The following BTBD9 variants were observed in gnomAD, a reference collection of about 807,000 sequenced individuals.
BTBD9 encodes the protein BTB domain containing 9.
BTBD9 carries 49 observed loss-of-function variants against 64.3 expected under a neutral mutation model. The observed-to-expected ratio is 0.76, with a 90% CI of 0.61 to 0.97. BTBD9 has a LOEUF of 0.97. Ranked by LOEUF, BTBD9 falls within the 50% of genes least tolerant of loss-of-function variation. BTBD9 has a pLI of 0.00. For synonymous variants in BTBD9, 260 were observed against 274.7 expected, an observed-to-expected ratio of 0.95 and a Z score of 0.53; for missense variants, 598 against 762.1, an observed-to-expected ratio of 0.78 and a Z score of 2.53.
At chr6:38,519,640 CA>C (rs1207176157) in intron 6 of BTBD9, among the ~76,000 whole-genome samples, 2 of 151,776 alleles carry the variant, frequency 1.3e-5, no homozygotes, top group Non-Finnish European at 3.0e-5. Context: ...GTGCTGTGAG[CA>C]ATAGCTCAGG....
rs1341561756 is a variant in BTBD9, at chr6:38,594,138, T to C, written c.375A>G (p.Leu125=). ...SLAHKYGFPE[L]EDSTSEYLCT... ...AGAGATACTCAGAGGTAGAATCCTC[T>C]AGCTCTGGAAATCCATATTTATGAG... Residue 125 remains leucine, a synonymous_variant, in exon 3 of 11, where the codon CTA becomes CTG. Transcript: ENST00000481247. The C allele has an allele frequency of 5.0e-6, 8 of 1,614,068 alleles. No homozygotes were observed. The highest frequency in any genetic ancestry group is 1.6e-4 in the Middle Eastern group (1 of 6,084).
intron 6 of BTBD9, among the ~76,000 whole-genome samples, chr6:38,487,039 C>G (rs1290848499): frequency 6.6e-6 from 1 of 152,204 alleles, no homozygotes; most frequent in African/African-American, 2.4e-5. Context: ...CTGCTGAGAG[C>G]ATGAGAGTTA....
At chr6:38,321,080 C>A (rs1298800952) in intron 7 of BTBD9, among the ~76,000 whole-genome samples, 2 of 152,202 alleles carry the variant, frequency 1.3e-5, no homozygotes, top group African/African-American at 4.8e-5. Context: ...TTTGTGCTAA[C>A]AGTACAGTGG....
Position 38,385,839 on chromosome 6 carries a change from G to A in BTBD9, c.1155-40746C>T, listed in dbSNP as rs1408694726. Among the ~76,000 whole-genome samples, 3 of 139,430 alleles carry A rather than the reference G, an allele frequency of 2.2e-5. No individual in the cohort carries two copies. In the East Asian group the frequency reaches 6.2e-4, roughly 29 times the overall value. The allele number at this position is 139,430 out of a possible 152,430, so 91.5% of individuals were successfully genotyped here. On this transcript the variant is annotated intron_variant, in intron 6 of 10. Coordinates refer to ENST00000481247, the MANE Select transcript of BTBD9 (RefSeq NM_001099272.2). Reference sequence around the variant, plus strand: ...AGACAGAGTCTCACTCTGTCACCCAGGCTGGAGTGCAGTGGTGCAATCTCA... The same window carrying A: ...AGACAGAGTCTCACTCTGTCACCCAAGCTGGAGTGCAGTGGTGCAATCTCA...
chr6:38,388,748 T>C (rs191860960), intron 6 of BTBD9, among the ~76,000 whole-genome samples: 2 of 152,302 alleles, frequency 1.3e-5, no homozygotes, highest in East Asian at 3.9e-4. Flanking sequence ...TTTCTAAACT[T>C]TAACCTTGAA....
At chr6:38,306,227 T>C (rs9470857) in intron 7 of BTBD9, among the ~76,000 whole-genome samples, 6,610 of 152,318 alleles carry the variant, frequency 0.043, 494 homozygotes, top group African/African-American at 0.15. Context: ...CTATTTCTAG[T>C]CTTCCAGTTT....
intron 6 of BTBD9, among the ~76,000 whole-genome samples, chr6:38,389,323 T>C (rs775815715): frequency 6.6e-6 from 1 of 152,240 alleles, no homozygotes; most frequent in Non-Finnish European, 1.5e-5. Flanking sequence ...AAATTGTTAA[T>C]GATACATTAC....
chr6:38,591,806 C>T (rs1776802157), intron 4 of BTBD9, among the ~76,000 whole-genome samples: 1 of 152,156 alleles, frequency 6.6e-6, no homozygotes, highest in Non-Finnish European at 1.5e-5. Context: ...AAAATCACCA[C>T]TTAAGTGGTG....
chr6:38,566,876 A>G (rs1775545101), intron 6 of BTBD9, among the ~76,000 whole-genome samples: 1 of 152,238 alleles, frequency 6.6e-6, no homozygotes, highest in Admixed American at 6.5e-5. Context: ...CTTCTACAAC[A>G]TTAAATGGAA....
intron 3 of BTBD9, among the ~76,000 whole-genome samples, 180 bp from the exon 4 acceptor site, chr6:38,593,020 G>A (rs890007006): frequency 2.6e-5 from 4 of 152,070 alleles, no homozygotes; most frequent in African/African-American, 7.2e-5. Context: ...CAACCAAGAC[G>A]GTAGCACCAT....
intron 6 of BTBD9, among the ~76,000 whole-genome samples, chr6:38,464,382 GA>G (rs142296032): frequency 0.24 from 34,931 of 147,068 alleles, 4,996 homozygotes; most frequent in Non-Finnish European, 0.34. Context: ...TTGCATTCAT[GA>G]AAAAAAAAAA....
intron 9 of BTBD9, among the ~76,000 whole-genome samples, chr6:38,256,001 T>C (rs1004724279): frequency 6.6e-6 from 1 of 151,256 alleles, no homozygotes; most frequent in African/African-American, 2.4e-5. Context: ...CAAACCAACA[T>C]GGCACATGTA....
At chr6:38,591,845 T>C (rs541027315) in intron 4 of BTBD9, among the ~76,000 whole-genome samples, 70 of 152,306 alleles carry the variant, frequency 4.6e-4, no homozygotes, top group African/African-American at 1.6e-3. Flanking sequence ...AGCTACCTTA[T>C]GTATGTATGT....
intron 6 of BTBD9, among the ~76,000 whole-genome samples, chr6:38,365,464 G>GGATGTGGTGGCTCACACCTGTA (rs2127600888): frequency 6.6e-6 from 1 of 152,278 alleles, no homozygotes; most frequent in African/African-American, 2.4e-5. Context: ...GGTACAGGCT[G>GGATGTGGTGGCTCACACCTGTA]GATGTGGTGG....
chr6:38,399,319 A>G (rs1332234829), intron 6 of BTBD9, among the ~76,000 whole-genome samples: 1 of 152,218 alleles, frequency 6.6e-6, no homozygotes, highest in Non-Finnish European at 1.5e-5. Flanking sequence ...TAGATTAACT[A>G]CAAATACTAC....
chr6:38,309,116 T>A (rs941142347), intron 7 of BTBD9, among the ~76,000 whole-genome samples: 10 of 147,496 alleles, frequency 6.8e-5, no homozygotes, highest in Non-Finnish European at 1.5e-4. Flanking sequence ...ATGCCTGTAA[T>A]CCCAGCACTT....
chr6:38,192,664 G>A (rs1340154049), intron 9 of BTBD9, 67 bp from the exon 10 acceptor site: 2 of 1,418,530 alleles, frequency 1.4e-6, no homozygotes, highest in East Asian at 2.3e-5. Context: ...TGTGGCCGAT[G>A]GAGTCATGTC....
chr6:38,214,018 A>G (rs960087887), intron 9 of BTBD9, among the ~76,000 whole-genome samples: 7 of 150,398 alleles, frequency 4.7e-5, no homozygotes, highest in Non-Finnish European at 7.4e-5. Flanking sequence ...AAAAATAATA[A>G]TAATAATAAT....
At chr6:38,321,758 G>GTA (rs1332859557) in intron 7 of BTBD9, among the ~76,000 whole-genome samples, 5 of 151,890 alleles carry the variant, frequency 3.3e-5, no homozygotes, top group Non-Finnish European at 7.4e-5. Context: ...GAAGCCATGG[G>GTA]TATGCCATAT....
Sources: allele counts gnomAD v4.1 joint callset (sites outside exome capture counted in the v4.1 genomes callset), GRCh38; gene constraint gnomAD v4.1.1; transcripts MANE v1.5; gene names NCBI Gene and HGNC (gene_info 2026-07-23, HGNC 2026-07-21).